PSTPIP2: variants seen among roughly 807,000 people sequenced by gnomAD.
PSTPIP2 encodes the protein proline-serine-threonine phosphatase-interacting protein 2.
In PSTPIP2, 33 loss-of-function variants were observed where a neutral mutation model predicts 63.3. That is an observed-to-expected ratio of 0.52 (90% CI 0.40 to 0.70). The LOEUF (loss-of-function observed/expected upper bound fraction) is 0.70. Among genes scored for constraint, PSTPIP2 ranks in the 30% least tolerant of loss-of-function variants. PSTPIP2 has a pLI of 0.00. For missense variants in PSTPIP2, 312 were observed against 400.7 expected (o/e 0.78, Z 1.89); for synonymous variants, 125 against 132.7 (o/e 0.94, Z 0.40).
At chr18:46,021,444 A>T (rs1323494506) in intron 3 of PSTPIP2, among the ~76,000 whole-genome samples, 3 of 131,776 alleles carry the variant, frequency 2.3e-5, no homozygotes, top group African/African-American at 5.2e-5. Context: ...TATATATAAA[A>T]AACCAAATAA....
intron 1 of PSTPIP2, among the ~76,000 whole-genome samples, chr18:46,045,813 A>G (rs1908364126): frequency 6.6e-6 from 1 of 152,170 alleles, no homozygotes; most frequent in Non-Finnish European, 1.5e-5. Flanking sequence ...ATGGTGGTGC[A>G]CACCCACACC....
chr18:46,011,328 G>C (rs759003708), intron 4 of PSTPIP2, 41 bp from the exon 5 acceptor site: 1 of 1,424,630 alleles, frequency 7.0e-7, no homozygotes, highest in Non-Finnish European at 9.8e-7. Context: ...GTCTACATAT[G>C]TCTGAATTAA....
intron 3 of PSTPIP2, among the ~76,000 whole-genome samples, chr18:46,017,939 T>C (rs549024397): frequency 7.9e-5 from 12 of 152,310 alleles, no homozygotes; most frequent in African/African-American, 2.9e-4. Context: ...GATTTTTTCA[T>C]TTCTAATTTT....
intron 2 of PSTPIP2, among the ~76,000 whole-genome samples, chr18:46,039,149 T>C (rs1908093732): frequency 6.6e-6 from 1 of 152,196 alleles, no homozygotes; most frequent in Non-Finnish European, 1.5e-5. Context: ...ATCCTGATCT[T>C]TGGCCCCAAA....
At chr18:46,033,570 C>T (rs1433478711) in intron 2 of PSTPIP2, among the ~76,000 whole-genome samples, 4 of 151,902 alleles carry the variant, frequency 2.6e-5, no homozygotes, top group Admixed American at 1.3e-4. Context: ...TAGTGGTGCA[C>T]GTCTGTAGTC....
At chr18:46,057,194 G>A (rs1168650373) in intron 1 of PSTPIP2, among the ~76,000 whole-genome samples, 2 of 152,080 alleles carry the variant, frequency 1.3e-5, no homozygotes, top group Non-Finnish European at 2.9e-5. Context: ...CTCTGCCTGC[G>A]TCCCACTCAG....
At chr18:46,069,755 C>A (rs1297686232) in intron 1 of PSTPIP2, among the ~76,000 whole-genome samples, 1 of 152,094 alleles carries the variant, frequency 6.6e-6, no homozygotes, top group Non-Finnish European at 1.5e-5. Flanking sequence ...CTTGGAATGT[C>A]CCTCTCTTGG....
At chr18:46,065,260 G>A in intron 1 of PSTPIP2, among the ~76,000 whole-genome samples, 2 of 151,524 alleles carry the variant, frequency 1.3e-5, no homozygotes, top group East Asian at 3.8e-4. Flanking sequence ...ATAATTGTTA[G>A]GGAAAGTAGA....
chr18:45,988,916 C>T (rs535061134), intron 13 of PSTPIP2, among the ~76,000 whole-genome samples, 157 bp from the exon 14 acceptor site: 35 of 152,280 alleles, frequency 2.3e-4, no homozygotes, highest in African/African-American at 6.7e-4. Context: ...ATGGTAGTCA[C>T]GACTCCAAAC....
At chr18:45,993,738 A>C in intron 9 of PSTPIP2, 35 bp from the exon 10 acceptor site, 1 of 1,563,490 alleles carries the variant, frequency 6.4e-7, no homozygotes, top group Non-Finnish European at 8.8e-7. Flanking sequence ...ATAGATATGC[A>C]AGGAAAAGGA....
In PSTPIP2 at chr18:46,021,842, C is replaced by A. The variant is rs564359847; in HGVS notation, c.212+2767G>T. ...CCAGCCTGGGCAACAAAGCGAGACT[C>A]TGTCTCAAAAAAAAAAAAAAAAAAA... On this transcript the variant is annotated intron_variant, in intron 3 of 14. Coordinates refer to ENST00000409746, the MANE Select transcript of PSTPIP2 (RefSeq NM_024430.4). Among the ~76,000 whole-genome samples, 268 of 92,630 alleles carry A rather than the reference C, an allele frequency of 2.9e-3. 6 individuals are homozygous for A. Among genetic ancestry groups the A allele is most frequent in the African/African-American group, 0.013 (252 of 19,474 alleles). The allele number at this position is 92,630 out of a possible 152,430, so 60.8% of individuals were successfully genotyped here.
At chr18:46,046,503 C>T (rs1908390456) in intron 1 of PSTPIP2, among the ~76,000 whole-genome samples, 1 of 152,232 alleles carries the variant, frequency 6.6e-6, no homozygotes, top group African/African-American at 2.4e-5. Flanking sequence ...CCTGCTAATT[C>T]TGAACCTGGA....
rs557593080 is a variant in PSTPIP2 at position 46,067,871 on chromosome 18, G to A, written c.33+4285C>T. The stretch of plus-strand genomic sequence containing the variant: ...AAACTCTGCTAAATTTAACTAGTCT[G>A]AAGTTTTTCTTTTCATAAAATCCGA... On this transcript the variant is annotated intron_variant, in intron 1 of 14. Transcript: ENST00000409746. Among the ~76,000 whole-genome samples, 5 of 152,306 alleles carry A rather than the reference G, an allele frequency of 3.3e-5. No homozygotes were observed. The South Asian group carries it at 1.0e-3, about 32-fold the overall frequency.
intron 2 of PSTPIP2, among the ~76,000 whole-genome samples, chr18:46,025,683 TA>T (rs35851535): frequency 0.26 from 30,307 of 114,476 alleles, 3,725 homozygotes; most frequent in East Asian, 0.45. Context: ...TCACTACCAC[TA>T]AAAAAAAAAA....
At chr18:46,070,092 G>A (rs1026557433) in intron 1 of PSTPIP2, among the ~76,000 whole-genome samples, 4 of 152,126 alleles carry the variant, frequency 2.6e-5, no homozygotes, top group Non-Finnish European at 5.9e-5. Flanking sequence ...CTTGGGGGCG[G>A]AAGCAGGCTG....
chr18:46,016,519 G>T (rs2051853729), intron 3 of PSTPIP2, among the ~76,000 whole-genome samples: 1 of 152,218 alleles, frequency 6.6e-6, no homozygotes, highest in African/African-American at 2.4e-5. Flanking sequence ...GCCAGGCATT[G>T]TGTCAGATGT....
intron 2 of PSTPIP2, among the ~76,000 whole-genome samples, chr18:46,035,428 A>G (rs1568224536): frequency 2.7e-5 from 1 of 37,076 alleles, no homozygotes; most frequent in African/African-American, 5.5e-5. Context: ...TTAAAAAAAA[A>G]AAAAGAAAAG....
At chr18:45,995,559 A>G (rs950131560) in intron 9 of PSTPIP2, among the ~76,000 whole-genome samples, 1 of 152,258 alleles carries the variant, frequency 6.6e-6, no homozygotes, top group Non-Finnish European at 1.5e-5. Context: ...TAGGAGAAGC[A>G]TAATAACCTA....
At chr18:46,017,876 A>C (rs2051868587) in intron 3 of PSTPIP2, among the ~76,000 whole-genome samples, 1 of 152,036 alleles carries the variant, frequency 6.6e-6, no homozygotes, top group Non-Finnish European at 1.5e-5. Context: ...TCCTAACCGA[A>C]ATTTTGTATC....
Sources: allele counts gnomAD v4.1 joint callset (sites outside exome capture counted in the v4.1 genomes callset), GRCh38; gene constraint gnomAD v4.1.1; transcripts MANE v1.5; gene names NCBI Gene and HGNC (gene_info 2026-07-23, HGNC 2026-07-21).